The following FZD6 variants were observed in gnomAD, a reference collection of about 807,000 sequenced individuals.
FZD6 encodes frizzled class receptor 6.
A neutral mutation model predicts 61.4 loss-of-function variants in FZD6; 49 were observed. That is an observed-to-expected ratio of 0.80 (90% CI 0.63 to 1.01). The LOEUF is 1.01. FZD6 is among the 50% of genes least tolerant of loss of function. The pLI is 0.00. For missense variants in FZD6, 724 were observed against 848.2 expected (o/e 0.85, Z 1.82); for synonymous variants, 265 against 292.2 (o/e 0.91, Z 0.95).
At chr8:103,331,215 C>T in intron 6 of FZD6, 126 bp from the exon 7 acceptor site, 1 of 778,766 alleles carries the variant, frequency 1.3e-6, no homozygotes, top group Non-Finnish European at 2.3e-6. Context: ...TTAAAGTACA[C>T]CTGAAGACTG....
intron 2 of FZD6, among the ~76,000 whole-genome samples, chr8:103,314,198 T>C (rs575394094): frequency 6.6e-6 from 1 of 152,344 alleles, no homozygotes; most frequent in African/African-American, 2.4e-5. Context: ...ATGTATTGCA[T>C]TCATTTTGCC....
intron 2 of FZD6, among the ~76,000 whole-genome samples, chr8:103,306,809 G>T (rs527765042): frequency 6.6e-6 from 1 of 151,990 alleles, no homozygotes; most frequent in African/African-American, 2.4e-5. Context: ...CTGGCCCCAG[G>T]TTCATCACTT....
intron 2 of FZD6, among the ~76,000 whole-genome samples, chr8:103,308,715 A>G (rs368063183): frequency 6.6e-6 from 1 of 152,190 alleles, no homozygotes; most frequent in Non-Finnish European, 1.5e-5. Context: ...TTTGAGATCT[A>G]TCCAGCCACT....
At chr8:103,322,683 G>A (rs369872754) in intron 3 of FZD6, among the ~76,000 whole-genome samples, 22 of 152,124 alleles carry the variant, frequency 1.4e-4, no homozygotes, top group Non-Finnish European at 2.8e-4. Context: ...AAAGAAACTG[G>A]TTAGCTTTTT....
In FZD6 at chr8:103,306,842, C is replaced by T. The variant is rs548706204; in HGVS notation, c.177+6558C>T. ...CTTTTTTTAATGACATTTTAAATTT[C>T]CTTCACTCAGTTTTAATCACCATCA... is the stretch of plus-strand genomic sequence containing the variant. On this transcript the variant is annotated intron_variant, in intron 2 of 6. Coordinates refer to ENST00000358755, the MANE Select transcript of FZD6 (RefSeq NM_003506.4). Among the ~76,000 whole-genome samples, 242 of 152,194 alleles carry T rather than the reference C, an allele frequency of 1.6e-3. 9 individuals carry two copies. In the South Asian group the frequency reaches 0.026, roughly 16 times the overall value.
chr8:103,301,484 AT>A (rs1814170092), intron 2 of FZD6, among the ~76,000 whole-genome samples: 3 of 152,298 alleles, frequency 2.0e-5, no homozygotes, highest in African/African-American at 7.2e-5. Flanking sequence ...TGATGATAAT[AT>A]GTTTTGTAGT....
intron 3 of FZD6, among the ~76,000 whole-genome samples, chr8:103,323,627 C>T (rs923974116): frequency 3.3e-5 from 5 of 152,032 alleles, no homozygotes; most frequent in African/African-American, 1.2e-4. Context: ...GATGGGGTTT[C>T]GCCATGTTGG....
chr8:103,332,180 T>C lies in FZD6; in HGVS notation c.*671T>C, dbSNP rs1415942543. 1.3e-5 allele frequency: 2 copies of C among 152,776 alleles called. No homozygotes were observed. The highest frequency in any genetic ancestry group is 4.8e-5 in the African/African-American group (2 of 41,468). 9.5% of individuals were successfully genotyped at this position (152,776 alleles called of 1,614,324 possible). ...AGGAATTTCACAGATCTAAATTATG[T>C]AACTGAAATAAGGTGCTTACTCAAA... On this transcript the variant is annotated 3_prime_UTR_variant, in exon 7 of 7. Coordinates refer to ENST00000358755, the MANE Select transcript of FZD6 (RefSeq NM_003506.4).
chr8:103,313,632 C>T lies in FZD6; in HGVS notation c.178-4958C>T, dbSNP rs373792349. Among the ~76,000 whole-genome samples the T allele has an allele frequency of 3.6e-3, 549 of 152,270 alleles. 4 individuals are homozygous for T. The highest frequency in any genetic ancestry group is 0.012 in the African/African-American group (515 of 41,548). On this transcript the variant is annotated intron_variant, in intron 2 of 6. Transcript: ENST00000358755. ...TGCACACACAGACACACATACACTT[C>T]GAAAATAATTAACTTAAAGGTTTTC... is the stretch of plus-strand genomic sequence containing the variant.
chr8:103,322,635 TCTA>T (rs1467885898), intron 3 of FZD6, among the ~76,000 whole-genome samples: 5 of 152,218 alleles, frequency 3.3e-5, no homozygotes, highest in Non-Finnish European at 5.9e-5. Flanking sequence ...GCTAATTTAT[TCTA>T]CTGATACAGT....
intron 2 of FZD6, among the ~76,000 whole-genome samples, chr8:103,302,204 G>A (rs1266400550): frequency 6.6e-6 from 1 of 152,048 alleles, no homozygotes; most frequent in Non-Finnish European, 1.5e-5. Context: ...ATCCCTATAT[G>A]TAATTTCTCA....
At position 103,325,625 on chromosome 8, in the gene FZD6, T is replaced by G. The variant is rs1428426569; in HGVS notation, c.1392+127T>G. On this transcript the variant is annotated intron_variant, in intron 4 of 6. Transcript: ENST00000358755. ...AAAATACAAGAGCCATAGGTAAGGA[T>G]TTCCTATACATCAACTGAAACTGGG... is the stretch of plus-strand genomic sequence containing the variant. The G allele has an allele frequency of 1.5e-5, 12 of 780,460 alleles. No homozygotes were observed. The East Asian group carries it at 3.0e-4, about 20-fold the overall frequency. 48.3% of individuals were successfully genotyped at this position (780,460 alleles called of 1,614,324 possible).
At chr8:103,308,073 C>G (rs1238143842) in intron 2 of FZD6, among the ~76,000 whole-genome samples, 1 of 152,192 alleles carries the variant, frequency 6.6e-6, no homozygotes, top group African/African-American at 2.4e-5. Context: ...GTAGCCAGAT[C>G]ACCCCAAGAA....
At chr8:103,330,179 T>C (rs1815082456) in intron 6 of FZD6, 114 bp downstream of exon 6, 14 of 965,542 alleles carry the variant, frequency 1.4e-5, no homozygotes, top group South Asian at 7.0e-5. Flanking sequence ...TCTGTACTCT[T>C]ACCCCAAGGA....
At chr8:103,299,377 C>T (rs1814080284) in intron 1 of FZD6, among the ~76,000 whole-genome samples, 1 of 152,234 alleles carries the variant, frequency 6.6e-6, no homozygotes, top group Non-Finnish European at 1.5e-5. Flanking sequence ...CAGATTTGCG[C>T]ACTTTCCTTT....
intron 5 of FZD6, among the ~76,000 whole-genome samples, chr8:103,328,862 T>C (rs1410758810): frequency 6.0e-5 from 9 of 151,148 alleles, no homozygotes; most frequent in African/African-American, 2.2e-4. Flanking sequence ...AAGTGATGTG[T>C]TATGGTCATT....
At chr8:103,312,736 G>A (rs1300544690) in intron 2 of FZD6, among the ~76,000 whole-genome samples, 1 of 152,112 alleles carries the variant, frequency 6.6e-6, no homozygotes, top group African/African-American at 2.4e-5. Flanking sequence ...TCAATACTAG[G>A]CTGACTACCC....
Position 103,309,865 on chromosome 8 carries a change from C to T in FZD6, c.178-8725C>T, listed in dbSNP as rs573922164. On this transcript the variant is annotated intron_variant, in intron 2 of 6. Transcript: ENST00000358755. ...AAATTGTATTCTTTCCTCTTCAATT[C>T]GTAACCCTCAGAAACCAATATAAAT... 1.4e-4 allele frequency among the ~76,000 whole-genome samples: 22 copies of T among 152,166 alleles called. No homozygotes were observed. In the South Asian group the frequency reaches 3.9e-3, roughly 27 times the overall value.
In FZD6 at chr8:103,324,871, C is replaced by T. The variant is rs142626394; in HGVS notation, c.765C>T (p.Gly255=). 2,413 of 1,613,880 alleles carry T rather than the reference C, an allele frequency of 1.5e-3. 29 individuals carry two copies. The highest frequency in any genetic ancestry group is 0.012 in the South Asian group (1,103 of 91,074). ...TGTACTTCATTGGATTTTTGCTAGGCGATAGCACAGCCTGCAATAAGGCAG... is the reference window on the plus strand; with the variant it reads ...TGTACTTCATTGGATTTTTGCTAGGTGATAGCACAGCCTGCAATAAGGCAG... ...SLMYFIGFLL[G]DSTACNKADE... is the part of the protein sequence containing the mutation. The change falls in exon 4 of 7, where the codon GGC becomes GGT. Residue 255 remains glycine (G), a synonymous_variant. Coordinates refer to ENST00000358755, the MANE Select transcript of FZD6 (RefSeq NM_003506.4).
Sources: gnomAD v4.1 joint callset for allele counts (sites outside exome capture counted in the v4.1 genomes callset) on GRCh38, gnomAD v4.1.1 for gene constraint, MANE v1.5 for transcripts, NCBI Gene and HGNC (gene_info 2026-07-23, HGNC 2026-07-21) for gene names.